Variants in PDE4D observed in about 807,000 individuals in gnomAD.
PDE4D encodes 3',5'-cyclic-AMP phosphodiesterase 4D.
Under a neutral mutation model 87.4 loss-of-function variants are expected in PDE4D, and 24 were observed. The ratio of observed to expected loss-of-function variants is 0.27; its 90% confidence interval spans 0.20 to 0.39. The LOEUF is 0.39. Ranked by LOEUF, PDE4D falls within the 10% of genes least tolerant of loss-of-function variation. The pLI is 1.00. For missense variants in PDE4D, 714 were observed against 1,041.0 expected, an observed-to-expected ratio of 0.69 and a Z score of 4.32; for synonymous variants, 384 against 383.2, an observed-to-expected ratio of 1.00 and a Z score of -0.02.
chr5:60,382,252 T>C (rs1330333068), intron 1 of PDE4D, among the ~76,000 whole-genome samples: 1 of 152,152 alleles, frequency 6.6e-6, no homozygotes, highest in Non-Finnish European at 1.5e-5. Context: ...GCCCCAGTCA[T>C]TCCTGATGCT....
At chr5:59,421,235 CAT>C (rs748248923) in intron 1 of PDE4D, among the ~76,000 whole-genome samples, 1 of 152,126 alleles carries the variant, frequency 6.6e-6, no homozygotes, top group Non-Finnish European at 1.5e-5. Context: ...TAGAAAGAAA[CAT>C]CAGAGCAGTA....
chr5:59,055,029 T>C (rs1276027962), intron 5 of PDE4D, among the ~76,000 whole-genome samples: 2 of 152,220 alleles, frequency 1.3e-5, no homozygotes, highest in Non-Finnish European at 2.9e-5. Flanking sequence ...CTCAGGGTAC[T>C]ACAAGTTTAC....
At chr5:60,214,801 A>C (rs1743660010) in intron 1 of PDE4D, among the ~76,000 whole-genome samples, 1 of 152,194 alleles carries the variant, frequency 6.6e-6, no homozygotes, top group African/African-American at 2.4e-5. Context: ...GGAGACATTT[A>C]AACCTAAAGT....
intron 1 of PDE4D, among the ~76,000 whole-genome samples, chr5:59,697,192 C>G (rs1489137519): frequency 1.3e-5 from 2 of 152,178 alleles, no homozygotes; most frequent in Admixed American, 6.5e-5. Context: ...ATTGAATCAG[C>G]ATTTACTGTG....
intron 1 of PDE4D, among the ~76,000 whole-genome samples, chr5:59,288,165 C>A (rs1196147556): frequency 2.0e-5 from 3 of 151,956 alleles, no homozygotes; most frequent in Non-Finnish European, 4.4e-5. Flanking sequence ...GATATGTGAC[C>A]TTTTAGACAG....
intron 1 of PDE4D, among the ~76,000 whole-genome samples, chr5:59,730,444 G>T (rs971801667): frequency 1.3e-5 from 2 of 152,124 alleles, no homozygotes; most frequent in African/African-American, 4.8e-5. Context: ...ACTTTAAAAT[G>T]CAGTCACTTT....
chr5:60,257,206 G>T (rs1263632199), intron 1 of PDE4D, among the ~76,000 whole-genome samples: 2 of 124,976 alleles, frequency 1.6e-5, no homozygotes, highest in Non-Finnish European at 3.3e-5. Context: ...AAGAAAGAAT[G>T]AATGAAAGAA....
intron 1 of PDE4D, among the ~76,000 whole-genome samples, chr5:59,707,212 T>C (rs2150487989): frequency 6.6e-6 from 1 of 152,282 alleles, no homozygotes; most frequent in South Asian, 2.1e-4. Context: ...AAAAATGACA[T>C]AGTACATGTT....
intron 5 of PDE4D, chr5:59,063,245 T>C (rs144854374): frequency 6.6e-6 from 1 of 152,316 alleles, no homozygotes. Flanking sequence ...CAGTGAACCA[T>C]GAAAGATGCA....
chr5:59,924,358 T>G (rs13165928), intron 3 of PDE4D, among the ~76,000 whole-genome samples: 1 of 152,106 alleles, frequency 6.6e-6, no homozygotes, highest in Non-Finnish European at 1.5e-5. Context: ...TAGGGAATTA[T>G]ATCAATATTC....
chr5:60,170,949 T>C (rs1422971569), intron 2 of PDE4D, among the ~76,000 whole-genome samples: 1 of 152,120 alleles, frequency 6.6e-6, no homozygotes, highest in East Asian at 1.9e-4. Flanking sequence ...ATCTAACCAT[T>C]GAAATATTTT....
intron 3 of PDE4D, among the ~76,000 whole-genome samples, chr5:59,920,880 G>C (rs1383969355): frequency 9.3e-6 from 1 of 107,978 alleles, no homozygotes; most frequent in African/African-American, 3.6e-5. Context: ...GGAGGGGGGA[G>C]GGGGAGGGAA....
intron 6 of PDE4D, among the ~76,000 whole-genome samples, chr5:59,027,723 T>G (rs1016964473): frequency 6.6e-6 from 1 of 152,132 alleles, no homozygotes; most frequent in Non-Finnish European, 1.5e-5. Context: ...TCCTTACTTT[T>G]TGGCACTACA....
intron 1 of PDE4D, among the ~76,000 whole-genome samples, chr5:59,409,669 C>T (rs1190892089): frequency 6.6e-6 from 1 of 152,212 alleles, no homozygotes; most frequent in Non-Finnish European, 1.5e-5. Flanking sequence ...TCCCCAGAAG[C>T]TGAGCAGATG....
chr5:59,224,122 CAA>C (rs762239197), intron 1 of PDE4D, among the ~76,000 whole-genome samples: 17 of 21,854 alleles, frequency 7.8e-4, no homozygotes, highest in African/African-American at 2.0e-3. Context: ...CCTGTTTCTA[CAA>C]AAAAAAAAAA....
At chr5:59,104,468 C>T (rs1451878048) in intron 5 of PDE4D, among the ~76,000 whole-genome samples, 2 of 152,154 alleles carry the variant, frequency 1.3e-5, no homozygotes, top group Non-Finnish European at 1.5e-5. Flanking sequence ...TAGTTAAAAG[C>T]GTAAGCTCTC....
intron 1 of PDE4D, among the ~76,000 whole-genome samples, chr5:60,432,206 C>G (rs1744397038): frequency 6.6e-6 from 1 of 152,194 alleles, no homozygotes; most frequent in Admixed American, 6.5e-5. Flanking sequence ...GGATATTGGT[C>G]TGAAGTTTTT....
intron 2 of PDE4D, among the ~76,000 whole-genome samples, chr5:60,063,390 T>C (rs189222573): frequency 1.2e-3 from 178 of 152,214 alleles, no homozygotes; most frequent in Admixed American, 2.6e-3. Flanking sequence ...AGGATGTTTG[T>C]CCATTTAACA....
At chr5:60,211,365 G>A (rs1562223110) in intron 1 of PDE4D, among the ~76,000 whole-genome samples, 2 of 151,852 alleles carry the variant, frequency 1.3e-5, no homozygotes, top group Non-Finnish European at 1.5e-5. Context: ...ACCCTTCACA[G>A]GGCACTGGGG....
Sources: allele counts gnomAD v4.1 joint callset (sites outside exome capture counted in the v4.1 genomes callset), GRCh38; gene constraint gnomAD v4.1.1; transcripts MANE v1.5; gene names NCBI Gene and HGNC (gene_info 2026-07-23, HGNC 2026-07-21).